The following USP10 variants were observed in gnomAD, a reference collection of about 807,000 sequenced individuals.
The protein encoded by USP10 is ubiquitin specific peptidase 10.
In USP10, 22 loss-of-function variants were observed where a neutral mutation model predicts 84.5. That is an observed-to-expected ratio of 0.26 (90% CI 0.19 to 0.37). The LOEUF (loss-of-function observed/expected upper bound fraction) is 0.37, where lower values mean the gene tolerates loss of function less well. USP10 is among the 10% of genes least tolerant of loss of function. USP10 has a pLI of 1.00. For missense variants in USP10, 1,019 were observed against 998.9 expected (o/e 1.02, Z -0.27); for synonymous variants, 454 against 387.6 (o/e 1.17, Z -2.01).
At chr16:84,754,735 G>T (rs1384580874) in intron 4 of USP10, among the ~76,000 whole-genome samples, 1 of 152,206 alleles carries the variant, frequency 6.6e-6, no homozygotes, top group African/African-American at 2.4e-5. Flanking sequence ...ACAAATAAAT[G>T]CTGGGAAAAA....
At chr16:84,775,886 C>A (rs914379058) in intron 13 of USP10, among the ~76,000 whole-genome samples, 1 of 78,726 alleles carries the variant, frequency 1.3e-5, no homozygotes, top group Non-Finnish European at 3.6e-5. Flanking sequence ...TTTATAGCGT[C>A]ATCTTTTATG....
intron 3 of USP10, among the ~76,000 whole-genome samples, chr16:84,744,013 G>C (rs757353712): frequency 7.2e-5 from 11 of 152,156 alleles, no homozygotes; most frequent in Non-Finnish European, 1.0e-4. Context: ...ATTCAGAAGA[G>C]TGCTCTGAAG....
chr16:84,733,226 C>G (rs1055277615), intron 1 of USP10: 11 of 603,680 alleles, frequency 1.8e-5, no homozygotes, highest in Non-Finnish European at 3.0e-5. Context: ...TCATAGTGTT[C>G]TTTGACAATT....
intron 1 of USP10, among the ~76,000 whole-genome samples, chr16:84,710,832 C>G (rs915176655): frequency 5.3e-5 from 8 of 152,112 alleles, no homozygotes; most frequent in African/African-American, 1.9e-4. Context: ...GTCCCCAGGC[C>G]GTCTGAGCCA....
intron 4 of USP10, among the ~76,000 whole-genome samples, chr16:84,750,703 G>C (rs551889120): frequency 8.5e-5 from 13 of 152,246 alleles, no homozygotes; most frequent in African/African-American, 2.9e-4. Flanking sequence ...TTGATGTTTT[G>C]CTTTCAAAAT....
At chr16:84,735,277 C>T (rs1293225228) in intron 2 of USP10, among the ~76,000 whole-genome samples, 1 of 149,626 alleles carries the variant, frequency 6.7e-6, no homozygotes, top group Admixed American at 6.7e-5. Context: ...GTATTTTTTC[C>T]CACATCACAC....
intron 1 of USP10, among the ~76,000 whole-genome samples, chr16:84,729,209 C>T (rs1304536799): frequency 6.6e-6 from 1 of 152,236 alleles, no homozygotes; most frequent in African/African-American, 2.4e-5. Context: ...TTAACCTTCA[C>T]ATTTGTATGG....
intron 10 of USP10, among the ~76,000 whole-genome samples, chr16:84,764,823 CTG>C (rs1913640320): frequency 6.8e-6 from 1 of 146,152 alleles, no homozygotes; most frequent in South Asian, 2.2e-4. Context: ...GAGTGAGACT[CTG>C]TCTCAAGAAA....
chr16:84,711,380 GTGTAAC>G (rs1327916006), intron 1 of USP10, among the ~76,000 whole-genome samples: 3 of 152,324 alleles, frequency 2.0e-5, no homozygotes, highest in Admixed American at 2.0e-4. Context: ...CCACAGCTCA[GTGTAAC>G]TGTGAGCATC....
At position 84,760,071 on chromosome 16, in the gene USP10, T is replaced by G. The variant is rs1913028448; in HGVS notation, c.1451-101T>G. The G allele has an allele frequency of 2.0e-6, 3 of 1,511,186 alleles. No homozygotes were observed. In the South Asian group the frequency reaches 3.4e-5, roughly 17 times the overall value. 93.6% of individuals were successfully genotyped at this position (1,511,186 alleles called of 1,614,324 possible). The stretch of plus-strand genomic sequence containing the variant: ...CTTTACACCTATGCCATTCTCAACA[T>G]TCAGCCAGGTGGGAGGTGGGGGAGT... On this transcript the variant is annotated intron_variant, in intron 7 of 13. Coordinates refer to ENST00000219473, the MANE Select transcript of USP10 (RefSeq NM_005153.3).
chr16:84,733,533 G>C (rs751394674), intron 2 of USP10, 30 bp downstream of exon 2: 4 of 1,460,914 alleles, frequency 2.7e-6, no homozygotes, highest in Non-Finnish European at 3.8e-6. Flanking sequence ...TAGTGAGTCC[G>C]TGGGTAGATA....
In USP10 at chr16:84,759,480, A is replaced by C. The variant is rs1226474284; in HGVS notation, c.1394+8A>C. Reference sequence around the variant, plus strand: ...ACCCATGATAGACAGCTTGTAAGTAAGGTGGTGAAAGATGTGTTAAGTGGT... The same window carrying C: ...ACCCATGATAGACAGCTTGTAAGTACGGTGGTGAAAGATGTGTTAAGTGGT... On this transcript the variant is annotated splice_region_variant and intron_variant, in intron 6 of 13. Transcript: ENST00000219473. 6.2e-7 allele frequency: 1 copy of C among 1,611,432 alleles called. No individual in the cohort carries two copies. Among genetic ancestry groups the C allele is most frequent in the Admixed American group, 1.7e-5 (1 of 59,994 alleles).
intron 3 of USP10, among the ~76,000 whole-genome samples, chr16:84,744,317 C>G (rs1032915863): frequency 2.6e-5 from 4 of 152,022 alleles, no homozygotes; most frequent in African/African-American, 9.7e-5. Context: ...AAGTCAGATT[C>G]CACTGGGGGG....
At chr16:84,731,593 A>G (rs1192540779) in intron 1 of USP10, among the ~76,000 whole-genome samples, 4 of 152,178 alleles carry the variant, frequency 2.6e-5, no homozygotes, top group Non-Finnish European at 5.9e-5. Flanking sequence ...ATAGAATTCT[A>G]TGAAAAAATA....
intron 4 of USP10, among the ~76,000 whole-genome samples, chr16:84,757,288 CTG>C (rs1912657223): frequency 6.6e-6 from 1 of 152,056 alleles, no homozygotes; most frequent in African/African-American, 2.4e-5. Context: ...TCCACAGAAT[CTG>C]TAATATTTTA....
intron 1 of USP10, among the ~76,000 whole-genome samples, chr16:84,720,472 C>T (rs1452995459): frequency 1.3e-5 from 2 of 151,672 alleles, no homozygotes; most frequent in African/African-American, 4.8e-5. Context: ...AAAGGTTGAG[C>T]CAGGCAAGAA....
chr16:84,752,431 T>C (rs749761889), intron 4 of USP10, among the ~76,000 whole-genome samples: 11 of 152,236 alleles, frequency 7.2e-5, no homozygotes, highest in Non-Finnish European at 1.3e-4. Context: ...AGTTTCAACC[T>C]AGAAGTTGCC....
intron 1 of USP10, among the ~76,000 whole-genome samples, chr16:84,711,812 G>C (rs1350934041): frequency 6.7e-6 from 1 of 149,128 alleles, no homozygotes; most frequent in African/African-American, 2.5e-5. Flanking sequence ...CTCTGCCTCC[G>C]GGGCTCAAGT....
chr16:84,764,323 G>T, intron 10 of USP10, 60 bp downstream of exon 10: 3 of 1,605,626 alleles, frequency 1.9e-6, no homozygotes, highest in Non-Finnish European at 2.6e-6. Flanking sequence ...CCATGTTGGT[G>T]AAGGGGGAAG....
Sources: gnomAD v4.1 joint callset for allele counts (sites outside exome capture counted in the v4.1 genomes callset) on GRCh38, gnomAD v4.1.1 for gene constraint, MANE v1.5 for transcripts, NCBI Gene and HGNC (gene_info 2026-07-23, HGNC 2026-07-21) for gene names.